Variants in GPC5 observed in about 807,000 individuals in gnomAD.
GPC5 encodes glypican 5, also known as glypican-5.
In GPC5, 47 loss-of-function variants were observed where a neutral mutation model predicts 53.9. The ratio of observed to expected loss-of-function variants is 0.87; its 90% CI spans 0.69 to 1.11. The LOEUF (loss-of-function observed/expected upper bound fraction) is 1.11, where lower values mean the gene tolerates loss of function less well. Among genes scored for constraint, GPC5 ranks in the 50% most tolerant of loss-of-function variants. The pLI is 0.00. For missense variants in GPC5, 748 were observed against 713.1 expected, an observed-to-expected ratio of 1.05 and a Z score of -0.56; for synonymous variants, 286 against 263.3, an observed-to-expected ratio of 1.09 and a Z score of -0.84.
chr13:91,485,316 G>A (rs1290521476), intron 2 of GPC5, among the ~76,000 whole-genome samples: 2 of 151,504 alleles, frequency 1.3e-5, no homozygotes, highest in Non-Finnish European at 2.9e-5. Context: ...AGGTTCAAGC[G>A]GTTCTCCTGC....
chr13:92,177,658 G>A (rs1285293409), intron 7 of GPC5, among the ~76,000 whole-genome samples: 1 of 152,020 alleles, frequency 6.6e-6, no homozygotes, highest in Non-Finnish European at 1.5e-5. Flanking sequence ...TATTATGTCA[G>A]CAAAATTGTG....
At chr13:91,400,140 C>T (rs932856768) in intron 1 of GPC5, among the ~76,000 whole-genome samples, 6 of 152,182 alleles carry the variant, frequency 3.9e-5, no homozygotes, top group African/African-American at 1.2e-4. Context: ...CCATGCACCC[C>T]TTTAGCTGTG....
At chr13:91,436,897 A>G (rs1428899493) in intron 1 of GPC5, among the ~76,000 whole-genome samples, 1 of 152,156 alleles carries the variant, frequency 6.6e-6, no homozygotes, top group Non-Finnish European at 1.5e-5. Flanking sequence ...TATATTTAAG[A>G]TAGTTAGCTC....
At chr13:92,155,707 T>C (rs950506507) in intron 7 of GPC5, among the ~76,000 whole-genome samples, 2 of 152,192 alleles carry the variant, frequency 1.3e-5, no homozygotes, top group Admixed American at 6.5e-5. Flanking sequence ...TTTTTTGCTT[T>C]TGCATTTCTG....
At chr13:91,488,735 A>G (rs1883759762) in intron 2 of GPC5, among the ~76,000 whole-genome samples, 1 of 152,326 alleles carries the variant, frequency 6.6e-6, no homozygotes, top group East Asian at 1.9e-4. Context: ...TTGTTTGTAG[A>G]GCATGTGTGT....
chr13:91,953,518 A>G (rs1418281741), intron 6 of GPC5, among the ~76,000 whole-genome samples: 1 of 152,216 alleles, frequency 6.6e-6, no homozygotes, highest in Non-Finnish European at 1.5e-5. Flanking sequence ...ATGATAGAAG[A>G]CACCAATTAA....
intron 7 of GPC5, among the ~76,000 whole-genome samples, chr13:92,205,890 T>A (rs968001028): frequency 6.6e-6 from 1 of 151,642 alleles, no homozygotes; most frequent in Admixed American, 6.6e-5. Context: ...CTACTAAAAA[T>A]ACAAAAATTA....
chr13:92,158,832 AAGG>A (rs567322358), intron 7 of GPC5, among the ~76,000 whole-genome samples: 15 of 152,128 alleles, frequency 9.9e-5, no homozygotes, highest in Non-Finnish European at 1.9e-4. Context: ...GCGGTCCTCT[AAGG>A]AGAGGAGGCT....
At chr13:91,609,993 A>G (rs1381324783) in intron 2 of GPC5, among the ~76,000 whole-genome samples, 1 of 152,166 alleles carries the variant, frequency 6.6e-6, no homozygotes. Context: ...GAATCAATTC[A>G]TTTGCTCAGT....
chr13:91,651,296 A>C (rs141094349), intron 2 of GPC5, among the ~76,000 whole-genome samples: 93 of 152,314 alleles, frequency 6.1e-4, no homozygotes, highest in Middle Eastern at 3.4e-3. Flanking sequence ...ATATCTGATA[A>C]ATATTTTGAT....
chr13:92,327,939 T>G (rs1174361689), intron 7 of GPC5, among the ~76,000 whole-genome samples: 2 of 152,132 alleles, frequency 1.3e-5, no homozygotes, highest in Non-Finnish European at 2.9e-5. Context: ...AAGTTTTCCC[T>G]CAAATCCAAA....
intron 7 of GPC5, among the ~76,000 whole-genome samples, chr13:92,524,571 G>A (rs1337275420): frequency 6.6e-6 from 1 of 152,080 alleles, no homozygotes; most frequent in African/African-American, 2.4e-5. Flanking sequence ...AGAACAGGAA[G>A]TTTGTCACTT....
chr13:91,741,156 T>G (rs2036925534), intron 4 of GPC5, among the ~76,000 whole-genome samples: 1 of 152,060 alleles, frequency 6.6e-6, no homozygotes, highest in Non-Finnish European at 1.5e-5. Flanking sequence ...GATGTCAAGG[T>G]GGGGAATGCA....
At chr13:92,775,946 T>A (rs965099902) in intron 7 of GPC5, among the ~76,000 whole-genome samples, 4 of 152,244 alleles carry the variant, frequency 2.6e-5, no homozygotes, top group African/African-American at 9.6e-5. Context: ...AAGATGGATT[T>A]ATGACTCTCT....
intron 2 of GPC5, among the ~76,000 whole-genome samples, chr13:91,571,473 A>G (rs1450607870): frequency 1.3e-5 from 2 of 152,062 alleles, no homozygotes; most frequent in African/African-American, 2.4e-5. Context: ...AGTAACAATT[A>G]TGAAAATTTT....
intron 7 of GPC5, among the ~76,000 whole-genome samples, chr13:92,460,814 G>T (rs901519946): frequency 7.8e-6 from 1 of 128,078 alleles, no homozygotes; most frequent in African/African-American, 3.2e-5. Context: ...AACATAAAAA[G>T]TGTGCTAGAG....
At chr13:92,557,493 G>A (rs1200035122) in intron 7 of GPC5, among the ~76,000 whole-genome samples, 1 of 151,892 alleles carries the variant, frequency 6.6e-6, no homozygotes, top group African/African-American at 2.4e-5. Flanking sequence ...ACCTTGTGTA[G>A]CATAGAAATT....
At chr13:91,850,574 G>A (rs1268258607) in intron 5 of GPC5, among the ~76,000 whole-genome samples, 2 of 152,080 alleles carry the variant, frequency 1.3e-5, no homozygotes, top group Non-Finnish European at 2.9e-5. Flanking sequence ...TTTTAGGGAT[G>A]TCTCTAGATT....
At chr13:91,524,579 G>C (rs955260314) in intron 2 of GPC5, among the ~76,000 whole-genome samples, 5 of 152,042 alleles carry the variant, frequency 3.3e-5, no homozygotes, top group African/African-American at 1.2e-4. Context: ...ATACTGATTA[G>C]TGGCTTATTT....
Sources: gnomAD v4.1 joint callset for allele counts (sites outside exome capture counted in the v4.1 genomes callset) on GRCh38, gnomAD v4.1.1 for gene constraint, MANE v1.5 for transcripts, NCBI Gene and HGNC (gene_info 2026-07-23, HGNC 2026-07-21) for gene names.